Variants in FREM1 observed in about 807,000 individuals in gnomAD.
FREM1 encodes the protein FRAS1 related extracellular matrix 1.
FREM1 carries 220 observed loss-of-function variants against 210.1 expected under a neutral mutation model. The observed-to-expected ratio is 1.05, with a 90% confidence interval of 0.94 to 1.17. The LOEUF (loss-of-function observed/expected upper bound fraction) is 1.17. Among genes scored for constraint, FREM1 ranks in the 50% most tolerant of loss-of-function variants. The pLI is 0.00. For synonymous variants in FREM1, 1,189 were observed against 980.2 expected (o/e 1.21, Z -3.98); for missense variants, 3,454 against 2,675.5 (o/e 1.29, Z -6.42).
chr9:14,868,805 C>T lies in FREM1; in HGVS notation c.173G>A (p.Cys58Tyr), dbSNP rs747607735. The change falls in exon 2 of 37, where the codon TGC becomes TAC. Residue 58 changes from cysteine (C) to tyrosine (Y), a missense_variant. Physicochemically the swap from Cys to Tyr is radical, Grantham distance 194. Coordinates refer to ENST00000380880, the MANE Select transcript of FREM1 (RefSeq NM_001379081.2). ...CTCATTCATCACAACTTCCACTTTG[C>T]AGGCATCTTTCTCTTTAGGGATGGC... is the stretch of plus-strand genomic sequence containing the variant. ...KFAIPKEKDA[C>Y]KVEVVMNEPI... 6.2e-7 allele frequency: 1 copy of T among 1,613,128 alleles called. No homozygotes were observed. Among genetic ancestry groups the T allele is most frequent in the Admixed American group, 1.7e-5 (1 of 59,904 alleles).
chr9:14,801,672 G>C lies in FREM1; in HGVS notation c.3674C>G (p.Ser1225Cys). The change falls in exon 20 of 37, where the codon TCC (serine) becomes TGC (cysteine). Residue 1225 changes from serine to cysteine, a missense_variant. Ser to Cys is a moderately radical substitution (Grantham distance 112). Coordinates refer to ENST00000380880, the MANE Select transcript of FREM1 (RefSeq NM_001379081.2). Reference protein sequence around the residue: ...HQKHAPVHSFSMELLKTGMRL... With the variant: ...HQKHAPVHSFCMELLKTGMRL... ...TATACCAGTCTTGAGGAGTTCCATG[G>C]AAAAGCTGTGAACAGGTGCATGTTT... is the stretch of plus-strand genomic sequence containing the variant. 1 of 1,613,004 alleles carries C rather than the reference G, an allele frequency of 6.2e-7. No homozygotes were observed. The highest frequency in any genetic ancestry group is 1.1e-5 in the South Asian group (1 of 91,050).
chr9:14,873,096 T>C (rs1833004477), intron 1 of FREM1, among the ~76,000 whole-genome samples: 2 of 152,338 alleles, frequency 1.3e-5, no homozygotes, highest in Non-Finnish European at 2.9e-5. Context: ...GATTTTTGTA[T>C]CAATGTTCAT....
chr9:14,863,768 GTTAC>G (rs1564114574), intron 3 of FREM1, 37 bp downstream of exon 3: 1 of 1,219,296 alleles, frequency 8.2e-7, no homozygotes, highest in South Asian at 1.2e-5. Context: ...ACACAGAATG[GTTAC>G]TTGGCAGCAA....
intron 26 of FREM1, 118 bp downstream of exon 26, chr9:14,770,487 T>C (rs1847338853): frequency 1.6e-5 from 11 of 690,818 alleles, no homozygotes; most frequent in Non-Finnish European, 2.2e-5. Flanking sequence ...ACTGCATCTA[T>C]CAGTAAGCCC....
chr9:14,853,881 T>C (rs1283065487), intron 5 of FREM1, among the ~76,000 whole-genome samples: 4 of 152,222 alleles, frequency 2.6e-5, no homozygotes, highest in Non-Finnish European at 4.4e-5. Flanking sequence ...TGGTGCTTAA[T>C]GCTAAGACCA....
At chr9:14,781,256 A>AG (rs35789593) in intron 24 of FREM1, among the ~76,000 whole-genome samples, 4,507 of 152,278 alleles carry the variant, frequency 0.03, 207 homozygotes, top group African/African-American at 0.1. Flanking sequence ...CATATAAAAA[A>AG]AGTCCAGGAC....
Position 14,852,831 on chromosome 9 carries a change from T to C in FREM1, c.829-1224A>G, listed in dbSNP as rs147851625. Among the ~76,000 whole-genome samples, 19 of 152,350 alleles carry C rather than the reference T, an allele frequency of 1.2e-4. 2 individuals carry two copies. In the East Asian group the frequency reaches 2.9e-3, roughly 23 times the overall value. On this transcript the variant is annotated intron_variant, in intron 5 of 36. Coordinates refer to ENST00000380880, the MANE Select transcript of FREM1 (RefSeq NM_001379081.2). Reference sequence around the variant, plus strand: ...GAACACTTGCCATTGGGCTAGGAGTTGTAATCTGTGTATAACAGAATGCTA... The same window carrying C: ...GAACACTTGCCATTGGGCTAGGAGTCGTAATCTGTGTATAACAGAATGCTA...
intron 1 of FREM1, among the ~76,000 whole-genome samples, chr9:14,870,234 C>T (rs895993074): frequency 6.6e-6 from 1 of 152,232 alleles, no homozygotes. Context: ...CCTCCATTAT[C>T]CACATCTAAT....
chr9:14,796,227 T>G (rs1304042709), intron 21 of FREM1, among the ~76,000 whole-genome samples: 2 of 152,166 alleles, frequency 1.3e-5, no homozygotes, highest in African/African-American at 4.8e-5. Context: ...TTTGGGGGGT[T>G]TGGGTGCTTT....
chr9:14,857,571 C>G lies in FREM1; in HGVS notation c.810G>C (p.Arg270Ser). 2 of 1,613,498 alleles carry G rather than the reference C, an allele frequency of 1.2e-6. No individual in the cohort carries two copies. Among genetic ancestry groups the G allele is most frequent in the Non-Finnish European group, 8.5e-7 (1 of 1,179,788 alleles). ...ISIQLDLTDTRSKIVYKSESA... is the reference protein window; with the variant it reads ...ISIQLDLTDTSSKIVYKSESA... ...ACTCTACCTTGTACACAATTTTGCT[C>G]CTGGTATCTGTGAGGTCCAGTTGGA... The change falls in exon 5 of 37, where the codon AGG becomes AGC. Residue 270 changes from arginine to serine, a missense_variant. Coordinates refer to ENST00000380880, the MANE Select transcript of FREM1 (RefSeq NM_001379081.2).
chr9:14,812,966 G>A lies in FREM1; in HGVS notation c.2739C>T (p.Tyr913=), dbSNP rs1308502298. 2 of 1,613,954 alleles carry A rather than the reference G, an allele frequency of 1.2e-6. No individual in the cohort carries two copies. ...EGGEVVITSE[Y]IFATDVDSDN... ...CGCTGTCCACATCAGTAGCAAAAAT[G>A]TATTCAGAGGTGATGACCACCTCTC... Residue 913 remains tyrosine (Y), a synonymous_variant, in exon 16 of 37, where the codon TAC becomes TAT. Transcript: ENST00000380880.
chr9:14,799,786 A>AT (rs1016898545), intron 20 of FREM1, among the ~76,000 whole-genome samples: 12 of 151,900 alleles, frequency 7.9e-5, no homozygotes, highest in African/African-American at 1.9e-4. Flanking sequence ...ATATAAATGC[A>AT]TTTTTTTCTT....
At chr9:14,825,547 G>GTGTGTATATATATATACA in intron 10 of FREM1, among the ~76,000 whole-genome samples, 2 of 75,932 alleles carry the variant, frequency 2.6e-5, no homozygotes, top group Admixed American at 1.5e-4. Flanking sequence ...GTGTGTGTGT[G>GTGTGTATATATATATACA]TATATATATA....
chr9:14,741,323 G>A (rs931563149), intron 35 of FREM1, among the ~76,000 whole-genome samples: 1 of 152,068 alleles, frequency 6.6e-6, no homozygotes, highest in African/African-American at 2.4e-5. Context: ...ACTAGATATG[G>A]TGAACATAAT....
At position 14,748,599 on chromosome 9, in the gene FREM1, G is replaced by C. The variant is rs778969309; in HGVS notation, c.5598C>G (p.His1866Gln). Residue 1866 changes from histidine (H) to glutamine (Q), a missense_variant, in exon 31 of 37, where the codon CAC (histidine) becomes CAG (glutamine). Transcript: ENST00000380880. ...HPSYSSNQSK[H>Q]STWEKGIWHL... ...GCCAAATGCCCTTCTCCCATGTGCT[G>C]TGCTTGCTTTGGTTGGAGGAATATG... is the stretch of plus-strand genomic sequence containing the variant. The C allele has an allele frequency of 9.3e-6, 15 of 1,613,624 alleles. No homozygotes were observed. Among genetic ancestry groups the C allele is most frequent in the East Asian group, 6.7e-5 (3 of 44,882 alleles).
At position 14,747,266 on chromosome 9, in the gene FREM1, G is replaced by C. The variant is rs1381271183; in HGVS notation, c.6007C>G (p.Gln2003Glu). ...AGAAGGAACAAAGATTTTCATACCTGTCTGGGGAAGTGTGAGTCAGTTGTG... is the reference window on the plus strand; with the variant it reads ...AGAAGGAACAAAGATTTTCATACCTCTCTGGGGAAGTGTGAGTCAGTTGTG... The part of the protein sequence containing the change: ...ESTTDSHFPR[Q>E]DQLPSFPKNC... Residue 2003 changes from glutamine (Q) to glutamate (E), a missense_variant and splice_region_variant, in exon 33 of 37, where the codon CAG (glutamine) becomes GAG (glutamate). Transcript: ENST00000380880. 3.7e-6 allele frequency: 6 copies of C among 1,611,240 alleles called. No individual in the cohort carries two copies. The highest frequency in any genetic ancestry group is 5.1e-6 in the Non-Finnish European group (6 of 1,178,680).
At chr9:14,753,121 C>T (rs1307643744) in intron 29 of FREM1, among the ~76,000 whole-genome samples, 1 of 152,138 alleles carries the variant, frequency 6.6e-6, no homozygotes, top group African/African-American at 2.4e-5. Context: ...TGCTAAGTCC[C>T]TGAGATATAC....
Position 14,845,904 on chromosome 9 carries a change from C to A in FREM1, c.1393+56G>T, listed in dbSNP as rs527506827. ...TACATATATCTGTTAAATATATCTACTTTTGAAGAAAATACTTTTGGATTC... is the reference window on the plus strand; with the variant it reads ...TACATATATCTGTTAAATATATCTAATTTTGAAGAAAATACTTTTGGATTC... On this transcript the variant is annotated intron_variant, in intron 8 of 36. Transcript: ENST00000380880. The A allele has an allele frequency of 1.2e-4, 183 of 1,588,292 alleles. No individual in the cohort carries two copies. The African/African-American group carries it at 2.3e-3, about 20-fold the overall frequency.
intron 10 of FREM1, among the ~76,000 whole-genome samples, chr9:14,838,596 A>T (rs2131137078): frequency 6.6e-6 from 1 of 151,562 alleles, no homozygotes; most frequent in Non-Finnish European, 1.5e-5. Flanking sequence ...GCCCCATCTC[A>T]CTCCCTCCCT....
Sources: allele counts gnomAD v4.1 joint callset (sites outside exome capture counted in the v4.1 genomes callset), GRCh38; gene constraint gnomAD v4.1.1; transcripts MANE v1.5; gene names NCBI Gene and HGNC (gene_info 2026-07-23, HGNC 2026-07-21).